CALN1: variants seen among roughly 807,000 people sequenced by gnomAD.
CALN1 encodes calneuron 1, also known as calcium-binding protein 8.
In CALN1, 17 loss-of-function variants were observed where a neutral mutation model predicts 30.6. The observed-to-expected ratio is 0.56, with a 90% CI of 0.38 to 0.83. CALN1 has a LOEUF of 0.83. Ranked by LOEUF, CALN1 falls within the 40% of genes least tolerant of loss-of-function variation. The probability of loss-of-function intolerance (pLI) is 0.00; values close to 1 mark genes in which losing one functional copy is unlikely to be tolerated. For missense variants in CALN1, 291 were observed against 354.9 expected (o/e 0.82, Z 1.45); for synonymous variants, 156 against 131.4 (o/e 1.19, Z -1.28).
At chr7:72,445,784 G>T (rs1204620344) in intron 1 of CALN1, among the ~76,000 whole-genome samples, 5 of 152,106 alleles carry the variant, frequency 3.3e-5, no homozygotes, top group Non-Finnish European at 7.3e-5. Context: ...GCCCATCCTT[G>T]GCTGGGGGAT....
intron 3 of CALN1, among the ~76,000 whole-genome samples, chr7:72,276,939 C>T (rs1385053585): frequency 6.6e-6 from 1 of 152,224 alleles, no homozygotes; most frequent in Non-Finnish European, 1.5e-5. Flanking sequence ...GAGGACACAG[C>T]AAGAAAAGTG....
At chr7:72,128,238 T>A (rs189774510) in intron 3 of CALN1, among the ~76,000 whole-genome samples, 7 of 152,162 alleles carry the variant, frequency 4.6e-5, no homozygotes, top group Non-Finnish European at 1.0e-4. Context: ...ATAAATAATA[T>A]GAAGCCATTT....
At chr7:72,306,882 A>G (rs76349677) in intron 2 of CALN1, among the ~76,000 whole-genome samples, 229 of 152,254 alleles carry the variant, frequency 1.5e-3, no homozygotes, top group African/African-American at 5.3e-3. Flanking sequence ...TTGGCTCAGA[A>G]TAAATCTTTT....
chr7:72,156,779 A>T (rs1787712280), intron 3 of CALN1, among the ~76,000 whole-genome samples: 1 of 152,228 alleles, frequency 6.6e-6, no homozygotes. Flanking sequence ...TCTGGGGGAC[A>T]GAGACACAGA....
At chr7:71,983,841 C>T (rs999254894) in intron 5 of CALN1, among the ~76,000 whole-genome samples, 5 of 152,050 alleles carry the variant, frequency 3.3e-5, no homozygotes, top group African/African-American at 1.2e-4. Flanking sequence ...TGATTGGATG[C>T]TTTTAAATCC....
At chr7:72,368,376 T>TA (rs1203327193) in intron 2 of CALN1, among the ~76,000 whole-genome samples, 1 of 151,692 alleles carries the variant, frequency 6.6e-6, no homozygotes, top group African/African-American at 2.4e-5. Flanking sequence ...AGAAAGCACA[T>TA]AAGATGGCAG....
chr7:71,847,778 AG>A (rs1189421414), intron 5 of CALN1, among the ~76,000 whole-genome samples: 33 of 150,148 alleles, frequency 2.2e-4, no homozygotes, highest in African/African-American at 7.1e-4. Context: ...AGAAGAAAGA[AG>A]AAGAAGAAGA....
At chr7:72,135,273 A>G (rs190667792) in intron 3 of CALN1, among the ~76,000 whole-genome samples, 2 of 152,372 alleles carry the variant, frequency 1.3e-5, no homozygotes, top group East Asian at 1.9e-4. Context: ...TATTGAGAAC[A>G]GTGAAACCTT....
intron 3 of CALN1, among the ~76,000 whole-genome samples, chr7:72,207,848 T>A (rs1190544556): frequency 2.6e-5 from 4 of 152,236 alleles, no homozygotes; most frequent in Non-Finnish European, 5.9e-5. Flanking sequence ...GCATATATAT[T>A]ACTTTTATAG....
At chr7:72,383,624 T>C (rs946114927) in intron 2 of CALN1, among the ~76,000 whole-genome samples, 4 of 152,200 alleles carry the variant, frequency 2.6e-5, no homozygotes, top group South Asian at 2.1e-4. Context: ...GGTCCTTGTA[T>C]AACTACAAGT....
intron 2 of CALN1, among the ~76,000 whole-genome samples, chr7:72,338,337 A>G (rs1802196340): frequency 6.6e-6 from 1 of 152,156 alleles, no homozygotes; most frequent in Non-Finnish European, 1.5e-5. Flanking sequence ...TACATGTGAA[A>G]AATTTCACAC....
chr7:72,102,972 C>G (rs1309883148), intron 4 of CALN1, among the ~76,000 whole-genome samples: 1 of 148,688 alleles, frequency 6.7e-6, no homozygotes, highest in Non-Finnish European at 1.5e-5. Context: ...ACTTGGGAGG[C>G]TGAGGCAGGA....
At chr7:72,500,689 TA>T in the CALN1 span, among the ~76,000 whole-genome samples, 1 of 151,158 alleles carries the variant, frequency 6.6e-6, no homozygotes, top group Non-Finnish European at 1.5e-5. Flanking sequence ...TCTTAAAATC[TA>T]AAAAAAAAAC....
chr7:71,973,156 T>C (rs563354252), intron 5 of CALN1, among the ~76,000 whole-genome samples: 134 of 152,024 alleles, frequency 8.8e-4, no homozygotes, highest in African/African-American at 2.8e-3. Context: ...TCCCTGAAAA[T>C]TGAATTCTGT....
At chr7:72,232,973 A>T (rs1312880128) in intron 3 of CALN1, among the ~76,000 whole-genome samples, 1 of 151,922 alleles carries the variant, frequency 6.6e-6, no homozygotes, top group Non-Finnish European at 1.5e-5. Context: ...CATGTTTAGC[A>T]TGTAACATGT....
At chr7:72,232,040 C>G (rs1401647846) in intron 3 of CALN1, among the ~76,000 whole-genome samples, 1 of 152,088 alleles carries the variant, frequency 6.6e-6, no homozygotes, top group East Asian at 1.9e-4. Flanking sequence ...AAAACATATG[C>G]AACTTGGAGA....
At chr7:71,996,418 T>A (rs1799255678) in intron 5 of CALN1, among the ~76,000 whole-genome samples, 1 of 152,192 alleles carries the variant, frequency 6.6e-6, no homozygotes, top group South Asian at 2.1e-4. Flanking sequence ...GTGAGTGTTG[T>A]TCCCCTCCCT....
chr7:72,499,839 T>TTCTC, the CALN1 span, among the ~76,000 whole-genome samples: 2 of 24,450 alleles, frequency 8.2e-5, no homozygotes, highest in Non-Finnish European at 1.4e-4. Flanking sequence ...CTTTCTTTCT[T>TTCTC]TCTTTCTTTC....
At chr7:72,256,824 T>C (rs1242063772) in intron 3 of CALN1, among the ~76,000 whole-genome samples, 1 of 152,122 alleles carries the variant, frequency 6.6e-6, no homozygotes, top group East Asian at 1.9e-4. Flanking sequence ...AGAAATTCAT[T>C]ATTGCCCTAT....
Sources: allele counts gnomAD v4.1 joint callset (sites outside exome capture counted in the v4.1 genomes callset), GRCh38; gene constraint gnomAD v4.1.1; transcripts MANE v1.5; gene names NCBI Gene and HGNC (gene_info 2026-07-23, HGNC 2026-07-21).